Variants in LYRM4 observed in about 807,000 individuals in gnomAD.
LYRM4 encodes the protein LYR motif containing 4, also known as LYR motif-containing protein 4.
A neutral mutation model predicts 11.7 loss-of-function variants in LYRM4; 9 were observed. That is an observed-to-expected ratio of 0.77 (90% CI 0.46 to 1.34). LYRM4 has a LOEUF of 1.34. Ranked by LOEUF, LYRM4 falls within the 40% of genes most tolerant of loss-of-function variation. LYRM4 has a pLI of 0.00. For missense variants in LYRM4, 133 were observed against 112.5 expected (o/e 1.18, Z -0.82); for synonymous variants, 42 against 40.4 (o/e 1.04, Z -0.15).
intron 1 of LYRM4, among the ~76,000 whole-genome samples, chr6:5,248,633 C>T (rs748516704): frequency 4.6e-5 from 7 of 152,266 alleles, no homozygotes; most frequent in African/African-American, 1.7e-4. Context: ...CCAGCTAGTC[C>T]CTACTAGCCC....
chr6:5,061,085 G>A, the LYRM4 span, among the ~76,000 whole-genome samples: 27 of 152,292 alleles, frequency 1.8e-4, no homozygotes, highest in African/African-American at 6.3e-4. Flanking sequence ...CACACAGGAG[G>A]CTGGCCATGC....
chr6:5,232,558 T>G (rs1428288010), intron 1 of LYRM4, among the ~76,000 whole-genome samples: 1 of 152,240 alleles, frequency 6.6e-6, no homozygotes, highest in Non-Finnish European at 1.5e-5. Flanking sequence ...CTTTTCCTTT[T>G]AAATTTGGTA....
At chr6:5,191,078 T>C (rs548671307) in intron 2 of LYRM4, among the ~76,000 whole-genome samples, 27 of 152,270 alleles carry the variant, frequency 1.8e-4, no homozygotes, top group African/African-American at 6.5e-4. Context: ...CATGAAGATA[T>C]TTATGGCAAC....
chr6:5,105,391 G>C (rs1762632028), downstream of LYRM4: 1 of 152,228 alleles, frequency 6.6e-6, no homozygotes, highest in Admixed American at 6.5e-5. Flanking sequence ...TTCAGCTGTT[G>C]CCTCTTGGTG....
At chr6:5,034,770 T>TTTTTTTTTC in the LYRM4 span, 2 of 141,104 alleles carry the variant, frequency 1.4e-5, no homozygotes, top group African/African-American at 2.7e-5. Context: ...TTTTTTTTTT[T>TTTTTTTTTC]CAAAAAGCGT....
chr6:5,260,612 CCCCCCG>C, intron 1 of LYRM4, 30 bp downstream of exon 1: 2 of 775,738 alleles, frequency 2.6e-6, no homozygotes, highest in Non-Finnish European at 4.0e-6. Context: ...CGGCCCCTGG[CCCCCCG>C]CCCCCGGCCC....
At chr6:5,238,404 C>G (rs1285344775) in intron 1 of LYRM4, among the ~76,000 whole-genome samples, 1 of 152,140 alleles carries the variant, frequency 6.6e-6, no homozygotes, top group Non-Finnish European at 1.5e-5. Context: ...CAGCGTAATT[C>G]TATACTCATG....
intron 2 of LYRM4, among the ~76,000 whole-genome samples, chr6:5,214,114 C>T (rs917640968): frequency 6.6e-6 from 1 of 152,156 alleles, no homozygotes; most frequent in African/African-American, 2.4e-5. Flanking sequence ...CCTCATGGCC[C>T]CTGCCGTCTT....
chr6:5,056,305 T>C, the LYRM4 span, among the ~76,000 whole-genome samples: 1 of 152,252 alleles, frequency 6.6e-6, no homozygotes, highest in African/African-American at 2.4e-5. Flanking sequence ...AGATAAATAG[T>C]TGGAAAAGGA....
intron 2 of LYRM4, among the ~76,000 whole-genome samples, chr6:5,154,366 T>G (rs936265003): frequency 5.9e-5 from 9 of 152,028 alleles, no homozygotes; most frequent in Non-Finnish European, 5.9e-5. Context: ...CCACCCCTAT[T>G]CCCCCATCTC....
the LYRM4 span, among the ~76,000 whole-genome samples, chr6:5,060,102 T>G: frequency 6.6e-6 from 1 of 152,258 alleles, no homozygotes; most frequent in Non-Finnish European, 1.5e-5. Context: ...AGCATGTACA[T>G]TGTTTCTGGT....
At chr6:5,113,112 G>A (rs1052974757) in intron 2 of LYRM4, 2 of 225,222 alleles carry the variant, frequency 8.9e-6, no homozygotes, top group South Asian at 8.9e-5. Context: ...GAGAGTTGTG[G>A]CGAGGGGACC....
chr6:5,074,687 A>G, the LYRM4 span, among the ~76,000 whole-genome samples: 1 of 150,894 alleles, frequency 6.6e-6, no homozygotes, highest in African/African-American at 2.4e-5. Flanking sequence ...GGTTTGTTAA[A>G]TAGGTATATA....
chr6:5,167,565 G>A (rs567285130), intron 2 of LYRM4, among the ~76,000 whole-genome samples: 7 of 152,268 alleles, frequency 4.6e-5, no homozygotes, highest in Admixed American at 2.6e-4. Context: ...TGCTGGGCAC[G>A]CAACATAAAC....
the LYRM4 span, among the ~76,000 whole-genome samples, chr6:5,074,312 G>C: frequency 6.7e-6 from 1 of 150,248 alleles, no homozygotes; most frequent in African/African-American, 2.5e-5. Flanking sequence ...GGTCAGTCTA[G>C]AAAAATGGCA....
At chr6:5,165,572 T>C (rs1759034553) in intron 2 of LYRM4, among the ~76,000 whole-genome samples, 1 of 151,900 alleles carries the variant, frequency 6.6e-6, no homozygotes, top group East Asian at 1.9e-4. Context: ...AGACAGAATC[T>C]CACTCTGTTG....
At chr6:5,258,192 C>G (rs1232438181) in intron 1 of LYRM4, among the ~76,000 whole-genome samples, 1 of 152,190 alleles carries the variant, frequency 6.6e-6, no homozygotes, top group Non-Finnish European at 1.5e-5. Flanking sequence ...GAGGAGCAGA[C>G]AGGGCTCCTG....
At chr6:5,248,437 A>G (rs1764288367) in intron 1 of LYRM4, among the ~76,000 whole-genome samples, 1 of 152,246 alleles carries the variant, frequency 6.6e-6, no homozygotes, top group Non-Finnish European at 1.5e-5. Context: ...ATGGCTTTTC[A>G]ATGCCGAGGA....
chr6:5,250,528 A>C (rs1469170945), intron 1 of LYRM4, among the ~76,000 whole-genome samples: 1 of 151,872 alleles, frequency 6.6e-6, no homozygotes, highest in East Asian at 1.9e-4. Flanking sequence ...TAAGAGAAAA[A>C]AATGTTTTTT....
Sources: allele counts gnomAD v4.1 joint callset (sites outside exome capture counted in the v4.1 genomes callset), GRCh38; gene constraint gnomAD v4.1.1; transcripts MANE v1.5; gene names NCBI Gene and HGNC (gene_info 2026-07-23, HGNC 2026-07-21).